The following PRKAG2 variants were observed in gnomAD, a reference collection of about 807,000 sequenced individuals.
The protein encoded by PRKAG2 is 5'-AMP-activated protein kinase subunit gamma-2.
In PRKAG2, 26 loss-of-function variants were observed where a neutral mutation model predicts 69.6. The observed-to-expected ratio is 0.37, with a 90% CI of 0.27 to 0.52. The LOEUF (loss-of-function observed/expected upper bound fraction) is 0.52, where lower values mean the gene tolerates loss of function less well. PRKAG2 is among the 20% of genes least tolerant of loss of function. PRKAG2 has a pLI of 0.90. For missense variants in PRKAG2, 557 were observed against 740.0 expected (o/e 0.75, Z 2.87); for synonymous variants, 293 against 285.0 (o/e 1.03, Z -0.28).
intron 15 of PRKAG2, chr7:151,558,099 T>C: frequency 1.0e-6 from 1 of 985,370 alleles, no homozygotes. Context: ...CCGTAGCTCC[T>C]GGCATCAGAC....
intron 3 of PRKAG2, chr7:151,734,165 A>G (rs1373860229): frequency 6.6e-6 from 1 of 152,248 alleles, no homozygotes; most frequent in Non-Finnish European, 1.5e-5. Flanking sequence ...CCGAGGACTC[A>G]GCACAATCTG....
In PRKAG2 at chr7:151,828,609, C is replaced by T. The variant is rs922738315; in HGVS notation, c.115-42068G>A. 1.3e-5 allele frequency among the ~76,000 whole-genome samples: 2 copies of T among 152,130 alleles called. No homozygotes were observed. The highest frequency in any genetic ancestry group is 2.4e-5 in the African/African-American group (1 of 41,424). On this transcript the variant is annotated intron_variant, in intron 1 of 15. Coordinates refer to ENST00000287878, the MANE Select transcript of PRKAG2 (RefSeq NM_016203.4). The surrounding 1 kb of genome is among the most constrained non-coding windows in gnomAD (Gnocchi z 4.6). ...CCTTTTAAGGGCCTTTCACTCACCA[C>T]GATATCAATATAAAACTGCCAATAC...
At chr7:151,766,382 T>C (rs1455285115) in intron 3 of PRKAG2, among the ~76,000 whole-genome samples, 2 of 152,248 alleles carry the variant, frequency 1.3e-5, no homozygotes, top group East Asian at 1.9e-4. Flanking sequence ...GAGTCAACAA[T>C]GGTAGGTGGG....
intron 3 of PRKAG2, among the ~76,000 whole-genome samples, chr7:151,729,595 C>A (rs56193996): frequency 0.015 from 2,334 of 152,254 alleles, 91 homozygotes; most frequent in Admixed American, 0.075. Context: ...TCATCTCAAG[C>A]AGGTGTGATC....
At chr7:151,823,364 C>T (rs2078835724) in intron 1 of PRKAG2, among the ~76,000 whole-genome samples, 1 of 151,684 alleles carries the variant, frequency 6.6e-6, no homozygotes, top group Non-Finnish European at 1.5e-5. Context: ...GGTTAAAGTG[C>T]TTGCACCCGC....
intron 3 of PRKAG2, 135 bp from the exon 4 acceptor site, chr7:151,675,772 G>A (rs115238040): frequency 6.1e-6 from 5 of 822,952 alleles, no homozygotes; most frequent in African/African-American, 5.9e-5. Flanking sequence ...GACGTCGGGG[G>A]CAGTCAGAGG....
At chr7:151,739,881 G>C (rs1020796815) in intron 3 of PRKAG2, among the ~76,000 whole-genome samples, 3 of 152,170 alleles carry the variant, frequency 2.0e-5, no homozygotes, top group Non-Finnish European at 4.4e-5. Flanking sequence ...GCCCAATCCA[G>C]AGACCGTGCC....
In PRKAG2 at chr7:151,781,448, G is replaced by A. The variant is rs1419136367; in HGVS notation, c.187-17C>T. The stretch of plus-strand genomic sequence containing the variant: ...GCTGTCCACCTGCAGAAAAACAGAC[G>A]AATGGATGCAGTCACTCCACGCTCT... On this transcript the variant is annotated splice_polypyrimidine_tract_variant and intron_variant, in intron 2 of 15. Coordinates refer to ENST00000287878, the MANE Select transcript of PRKAG2 (RefSeq NM_016203.4). This position sits in a 1 kb window ranked among gnomAD's most constrained non-coding sequence, Gnocchi z 6.1. 6 of 1,594,162 alleles carry A rather than the reference G, an allele frequency of 3.8e-6. No individual in the cohort carries two copies. Among genetic ancestry groups the A allele is most frequent in the East Asian group, 4.5e-5 (2 of 44,146 alleles).
chr7:151,578,897 G>A (rs925930466), intron 6 of PRKAG2, among the ~76,000 whole-genome samples: 2 of 152,192 alleles, frequency 1.3e-5, no homozygotes, highest in Admixed American at 1.3e-4. Context: ...AGAATATAGT[G>A]GAAAAGTCGC....
At chr7:151,702,145 T>TC (rs1483034518) in intron 3 of PRKAG2, among the ~76,000 whole-genome samples, 1 of 152,206 alleles carries the variant, frequency 6.6e-6, no homozygotes, top group Non-Finnish European at 1.5e-5. Context: ...ACAGAACACT[T>TC]CCCCCTGTGC....
chr7:151,589,884 A>G (rs1048902047), intron 6 of PRKAG2, among the ~76,000 whole-genome samples: 5 of 152,166 alleles, frequency 3.3e-5, no homozygotes, highest in African/African-American at 1.2e-4. Context: ...GCAGTGAGCC[A>G]AGATCGTACC....
At chr7:151,654,063 G>A (rs750369940) in intron 4 of PRKAG2, among the ~76,000 whole-genome samples, 1 of 152,002 alleles carries the variant, frequency 6.6e-6, no homozygotes, top group Non-Finnish European at 1.5e-5. Context: ...TTCAAAATGA[G>A]GATAATTTCT....
intron 14 of PRKAG2, among the ~76,000 whole-genome samples, chr7:151,561,660 C>T (rs570766318): frequency 3.2e-4 from 49 of 152,328 alleles, no homozygotes; most frequent in Admixed American, 8.5e-4. Flanking sequence ...TGGCCGGGCG[C>T]GATGGCTCAC....
intron 3 of PRKAG2, among the ~76,000 whole-genome samples, chr7:151,715,844 C>T (rs1042945837): frequency 5.3e-5 from 8 of 152,086 alleles, no homozygotes; most frequent in East Asian, 1.9e-4. Flanking sequence ...GAGGGCGGGG[C>T]GGGGCAAGGA....
At chr7:151,627,598 C>T (rs375857995) in intron 5 of PRKAG2, among the ~76,000 whole-genome samples, 70 of 152,224 alleles carry the variant, frequency 4.6e-4, no homozygotes, top group African/African-American at 1.7e-3. Context: ...TGCACTCCAG[C>T]CTGGGCAACA....
At chr7:151,678,975 A>G (rs1833398504) in intron 3 of PRKAG2, among the ~76,000 whole-genome samples, 1 of 152,092 alleles carries the variant, frequency 6.6e-6, no homozygotes, top group Non-Finnish European at 1.5e-5. Flanking sequence ...AAAAAAAAGA[A>G]AAAAAAGAAA....
intron 3 of PRKAG2, among the ~76,000 whole-genome samples, chr7:151,745,914 C>G (rs1231632801): frequency 6.6e-6 from 1 of 152,176 alleles, no homozygotes; most frequent in Non-Finnish European, 1.5e-5. Context: ...AGGCCAAGAG[C>G]TCTGAGGGCT....
rs1305465396 is a variant in PRKAG2 at position 151,675,509 on chromosome 7, C to A, written c.595G>T (p.Asp199Tyr). 1.9e-6 allele frequency: 3 copies of A among 1,614,172 alleles called. No homozygotes were observed. Among genetic ancestry groups the A allele is most frequent in the South Asian group, 2.2e-5 (2 of 91,088 alleles). ...NRIYASSSPP[D>Y]TGQRFCPSSF... ...GACGGGCAGAACCTCTGCCCTGTGT[C>A]CGGGGGGGAAGACGAGGCATAGATG... is the stretch of plus-strand genomic sequence containing the variant. Residue 199 changes from aspartate (D) to tyrosine (Y), a missense_variant, in exon 4 of 16, where the codon GAC becomes TAC. By Grantham distance (160) the Asp-to-Tyr change is radical. Around this residue, in one of 2 missense-constraint regions of PRKAG2, gnomAD observed 352 missense variants for 356.7 expected, o/e 0.99. Coordinates refer to ENST00000287878, the MANE Select transcript of PRKAG2 (RefSeq NM_016203.4).
chr7:151,582,994 G>A, intron 6 of PRKAG2, among the ~76,000 whole-genome samples: 1 of 152,204 alleles, frequency 6.6e-6, no homozygotes, highest in East Asian at 1.9e-4. Flanking sequence ...AGTCTATACT[G>A]ACCAAACCAG....
Sources: gnomAD v4.1 joint callset for allele counts (sites outside exome capture counted in the v4.1 genomes callset) on GRCh38, gnomAD v4.1.1 for gene constraint, gnomAD v4.1.1 regional missense constraint, Gnocchi (gnomAD v3.1) non-coding constraint, MANE v1.5 for transcripts, NCBI Gene and HGNC (gene_info 2026-07-23, HGNC 2026-07-21) for gene names.